Variants in AFF2 observed in about 807,000 individuals in gnomAD.
AFF2 encodes AF4/FMR2 family member 2.
AFF2 carries 14 observed loss-of-function variants against 76.9 expected under a neutral mutation model. The ratio of observed to expected loss-of-function variants is 0.18; its 90% CI spans 0.12 to 0.28. The LOEUF (loss-of-function observed/expected upper bound fraction) is 0.28, where lower values mean the gene tolerates loss of function less well. AFF2 is among the 10% of genes least tolerant of loss of function. AFF2 has a pLI of 1.00. For missense variants in AFF2, 868 were observed against 1,001.1 expected (o/e 0.87, Z 1.79); for synonymous variants, 398 against 366.7 (o/e 1.09, Z -0.98).
intron 4 of AFF2, among the ~76,000 whole-genome samples, chrX:148,826,045 A>G (rs2070384349): frequency 9.1e-6 from 1 of 110,126 alleles, no homozygotes; most frequent in Non-Finnish European, 1.9e-5. Flanking sequence ...TTCCTAGGTA[A>G]GGGTTTGACA....
At chrX:148,799,464 G>A (rs2070028851) in intron 3 of AFF2, among the ~76,000 whole-genome samples, 1 of 111,860 alleles carries the variant, frequency 8.9e-6, no homozygotes, top group Non-Finnish European at 1.9e-5. Flanking sequence ...AATGCAAACC[G>A]AGTGGACAAC....
At chrX:148,712,707 T>C (rs1349536811) in intron 3 of AFF2, among the ~76,000 whole-genome samples, 1 of 112,144 alleles carries the variant, frequency 8.9e-6, no homozygotes, top group Non-Finnish European at 1.9e-5. Flanking sequence ...AGAGAGAGGC[T>C]GTTGTGCATT....
At chrX:148,616,208 G>C (rs1557250306) in intron 1 of AFF2, among the ~76,000 whole-genome samples, 1 of 111,418 alleles carries the variant, frequency 9.0e-6, no homozygotes, top group Admixed American at 9.5e-5. Context: ...ACTGGTCATG[G>C]AAATTCATTA....
At chrX:148,804,939 A>C (rs2070108646) in intron 3 of AFF2, among the ~76,000 whole-genome samples, 3 of 111,806 alleles carry the variant, frequency 2.7e-5, no homozygotes, top group Admixed American at 1.9e-4. Context: ...GGATAGAGAC[A>C]TAGGGGATTT....
chrX:148,636,657 T>A (rs1851673488), intron 1 of AFF2, among the ~76,000 whole-genome samples: 1 of 112,305 alleles, frequency 8.9e-6, no homozygotes, highest in Non-Finnish European at 1.9e-5. Flanking sequence ...CAGAGTTTAA[T>A]TTTGATAGAT....
At chrX:148,933,734 AATT>A (rs1557284670) in intron 9 of AFF2, among the ~76,000 whole-genome samples, 2 of 112,213 alleles carry the variant, frequency 1.8e-5, no homozygotes, top group African/African-American at 6.5e-5. Flanking sequence ...CATTTACTAT[AATT>A]ATTATTTACA....
chrX:148,855,368 G>A lies in AFF2; in HGVS notation c.1262+11935G>A, dbSNP rs373939794. ...GAGGACTGTGGAACCACAGGTAGCA[G>A]GATGTTTGACTCTCCTGAACATAAT... On this transcript the variant is annotated intron_variant, in intron 7 of 20. Transcript: ENST00000370460. Among the ~76,000 whole-genome samples, 7 of 111,285 alleles carry A rather than the reference G, an allele frequency of 6.3e-5. No individual in the cohort carries two copies. The East Asian group carries it at 2.0e-3, about 32-fold the overall frequency.
Position 148,997,362 on chromosome X carries a change from T to G in AFF2, c.*6030T>G, listed in dbSNP as rs1405453260. 3.7e-5 allele frequency: 4 copies of G among 109,119 alleles called. No individual in the cohort carries two copies. Among genetic ancestry groups the G allele is most frequent in the Non-Finnish European group, 7.5e-5 (4 of 53,251 alleles). 9.0% of individuals were successfully genotyped at this position (109,119 alleles called of 1,213,427 possible). On this transcript the variant is annotated 3_prime_UTR_variant, in exon 21 of 21. Coordinates refer to ENST00000370460, the MANE Select transcript of AFF2 (RefSeq NM_002025.4). The stretch of plus-strand genomic sequence containing the variant: ...TTAGGCCTCCACACATAAATCATTT[T>G]GAAAGTAGAATAGAAAATCTCAAAG...
At chrX:148,917,285 G>A (rs1175748180) in intron 9 of AFF2, among the ~76,000 whole-genome samples, 1 of 112,031 alleles carries the variant, frequency 8.9e-6, no homozygotes, top group Non-Finnish European at 1.9e-5. Flanking sequence ...CAGGAGTGAA[G>A]ATGTCGGCCT....
chrX:148,654,114 G>A (rs1294990041), intron 2 of AFF2, among the ~76,000 whole-genome samples: 4 of 111,461 alleles, frequency 3.6e-5, no homozygotes, highest in South Asian at 3.8e-4. Context: ...GGGTAAAAGA[G>A]GTGGTGAAAG....
At chrX:148,650,198 G>A (rs782325160) in intron 1 of AFF2, among the ~76,000 whole-genome samples, 1 of 111,158 alleles carries the variant, frequency 9.0e-6, no homozygotes, top group South Asian at 3.9e-4. Flanking sequence ...CACACTTAAC[G>A]GACTGAAGAT....
intron 1 of AFF2, among the ~76,000 whole-genome samples, chrX:148,636,545 C>T (rs887193759): frequency 8.9e-6 from 1 of 112,117 alleles, no homozygotes; most frequent in Non-Finnish European, 1.9e-5. Flanking sequence ...TCAAAGCATA[C>T]GAATGGTGAG....
At chrX:148,671,674 G>A (rs1047902225) in intron 3 of AFF2, among the ~76,000 whole-genome samples, 1 of 111,541 alleles carries the variant, frequency 9.0e-6, no homozygotes, top group Non-Finnish European at 1.9e-5. Flanking sequence ...ATTCAGAACA[G>A]TTTCTGACTT....
At chrX:148,941,499 T>A (rs1217924960) in intron 9 of AFF2, among the ~76,000 whole-genome samples, 1 of 112,030 alleles carries the variant, frequency 8.9e-6, no homozygotes, top group Non-Finnish European at 1.9e-5. Context: ...ATCATTCTAA[T>A]TAAAAACAGG....
intron 1 of AFF2, among the ~76,000 whole-genome samples, chrX:148,555,367 T>G (rs1410969453): frequency 2.7e-5 from 3 of 112,386 alleles, no homozygotes; most frequent in African/African-American, 9.7e-5. Context: ...ATTCGTTCCT[T>G]TCTCTGTATT....
chrX:148,523,987 T>A (rs1557234853), intron 1 of AFF2, among the ~76,000 whole-genome samples: 1 of 111,149 alleles, frequency 9.0e-6, no homozygotes, highest in African/African-American at 3.3e-5. Flanking sequence ...ATGATTCTCA[T>A]TCAAAGCCTG....
chrX:148,737,203 C>A (rs962485806), intron 3 of AFF2, among the ~76,000 whole-genome samples: 1 of 111,110 alleles, frequency 9.0e-6, no homozygotes, highest in East Asian at 2.8e-4. Flanking sequence ...AGATTGCTTT[C>A]GGCAGTATGC....
intron 3 of AFF2, among the ~76,000 whole-genome samples, chrX:148,695,405 T>C (rs1557261185): frequency 8.9e-6 from 1 of 112,010 alleles, no homozygotes; most frequent in African/African-American, 3.3e-5. Flanking sequence ...AAGACAGGCC[T>C]GATGAATAAC....
chrX:148,732,087 T>G (rs1162027070), intron 3 of AFF2, among the ~76,000 whole-genome samples: 16 of 81,409 alleles, frequency 2.0e-4, no homozygotes, highest in East Asian at 6.4e-4. Flanking sequence ...TATACCCAAA[T>G]GACTATAAAT....
Sources: gnomAD v4.1 joint callset for allele counts (sites outside exome capture counted in the v4.1 genomes callset) on GRCh38, gnomAD v4.1.1 for gene constraint, MANE v1.5 for transcripts, NCBI Gene and HGNC (gene_info 2026-07-23, HGNC 2026-07-21) for gene names.